Variants in CD82 observed in about 807,000 individuals in gnomAD.
CD82 encodes CD82 molecule, also known as CD82 antigen.
In CD82, 36 loss-of-function variants were observed where a neutral mutation model predicts 37.4. The ratio of observed to expected loss-of-function variants is 0.96; its 90% CI spans 0.74 to 1.27. CD82 has a LOEUF of 1.27. CD82 is among the 50% of genes most tolerant of loss of function. CD82 has a pLI of 0.00. For synonymous variants in CD82, 158 were observed against 137.4 expected, an observed-to-expected ratio of 1.15 and a Z score of -1.05; for missense variants, 340 against 347.0, an observed-to-expected ratio of 0.98 and a Z score of 0.16.
At chr11:44,574,080 TGAAGCTCTGCTGGGGGGTCAGCAGAA>T (rs1852853404) in intron 1 of CD82, among the ~76,000 whole-genome samples, 1 of 151,978 alleles carries the variant, frequency 6.6e-6, no homozygotes, top group African/African-American at 2.4e-5. Context: ...CGGGGTTGCT[TGAAGCTCTGCTGGGGGGTCAGCAGAA>T]GACTTAGATT....
At chr11:44,594,207 A>T (rs1590338402) in intron 2 of CD82, among the ~76,000 whole-genome samples, 1 of 151,780 alleles carries the variant, frequency 6.6e-6, no homozygotes, top group Non-Finnish European at 1.5e-5. Context: ...AGACCCCACA[A>T]CTCCCAGCCC....
intron 1 of CD82, among the ~76,000 whole-genome samples, chr11:44,567,189 C>T (rs757835022): frequency 1.3e-5 from 2 of 152,136 alleles, no homozygotes; most frequent in African/African-American, 4.8e-5. Flanking sequence ...CCATTGCACA[C>T]TTGGCTTGGG....
At chr11:44,589,033 T>C (rs1037176561) in intron 2 of CD82, among the ~76,000 whole-genome samples, 2 of 152,158 alleles carry the variant, frequency 1.3e-5, no homozygotes, top group Middle Eastern at 3.2e-3. Context: ...TAGGCAGGTG[T>C]ATCACCTGAG....
chr11:44,573,967 GTGA>G (rs1852851563), intron 1 of CD82, among the ~76,000 whole-genome samples: 1 of 152,176 alleles, frequency 6.6e-6, no homozygotes, highest in South Asian at 2.1e-4. Context: ...GTTAAGGGTG[GTGA>G]TGATGAGCAA....
At chr11:44,588,412 TGGGG>T (rs1853092390) in intron 2 of CD82, among the ~76,000 whole-genome samples, 1 of 151,998 alleles carries the variant, frequency 6.6e-6, no homozygotes, top group Non-Finnish European at 1.5e-5. Context: ...TTAATAGAGA[TGGGG>T]TTTCACCATG....
intron 6 of CD82, among the ~76,000 whole-genome samples, chr11:44,607,386 T>C (rs1284106816): frequency 1.3e-5 from 2 of 152,178 alleles, no homozygotes; most frequent in African/African-American, 4.8e-5. Context: ...GGAGGGAAAT[T>C]CCTTTCCCAG....
In CD82 at chr11:44,594,739, A is replaced by T. The variant is rs202090673; in HGVS notation, c.63+14A>T. 1 of 1,608,400 alleles carries T rather than the reference A, an allele frequency of 6.2e-7. No homozygotes were observed. Among genetic ancestry groups the T allele is most frequent in the South Asian group, 1.1e-5 (1 of 90,920 alleles). ...TTGATCTTCTTTGTAAGTATGTCCC[A>T]TGCCGTCCTGACCACCTCCGAAAAG... is the stretch of plus-strand genomic sequence containing the variant. On this transcript the variant is annotated intron_variant, in intron 3 of 9. Transcript: ENST00000227155.
At chr11:44,571,965 T>G (rs1308310281) in intron 1 of CD82, among the ~76,000 whole-genome samples, 1 of 152,220 alleles carries the variant, frequency 6.6e-6, no homozygotes. Context: ...CAGCTCATCT[T>G]TTACTTGCTG....
chr11:44,568,197 G>C (rs1374746782), intron 1 of CD82, among the ~76,000 whole-genome samples: 1 of 152,170 alleles, frequency 6.6e-6, no homozygotes, highest in African/African-American at 2.4e-5. Flanking sequence ...AAGGGATAAT[G>C]AACCAATGGC....
Position 44,618,505 on chromosome 11 carries a change from A to C in CD82, c.643-135A>C, listed in dbSNP as rs935662516. Reference sequence around the variant, plus strand: ...TTGTACCTTCATCTACTTCTTTGTTAATGTATTTATTCAAGGAACAGGCAG... The same window carrying C: ...TTGTACCTTCATCTACTTCTTTGTTCATGTATTTATTCAAGGAACAGGCAG... On this transcript the variant is annotated intron_variant, in intron 8 of 9. Transcript: ENST00000227155. The C allele has an allele frequency of 3.8e-6, 4 of 1,054,740 alleles. No individual in the cohort carries two copies. In the African/African-American group the frequency reaches 6.3e-5, roughly 17 times the overall value. The allele number at this position is 1,054,740 out of a possible 1,614,324, so 65.3% of individuals were successfully genotyped here.
intron 1 of CD82, among the ~76,000 whole-genome samples, chr11:44,586,389 G>C (rs1853055220): frequency 6.6e-6 from 1 of 152,136 alleles, no homozygotes; most frequent in Non-Finnish European, 1.5e-5. Context: ...ATCTTTCTAG[G>C]GAGAGTTCAC....
intron 3 of CD82, 94 bp downstream of exon 3, chr11:44,594,819 G>T: frequency 9.8e-7 from 1 of 1,018,696 alleles, no homozygotes; most frequent in South Asian, 1.3e-5. Flanking sequence ...ACCGGGCCGG[G>T]GATTGGGGGG....
chr11:44,594,540 C>T, intron 2 of CD82, 103 bp from the exon 3 acceptor site: 1 of 745,702 alleles, frequency 1.3e-6, no homozygotes, highest in Non-Finnish European at 2.4e-6. Flanking sequence ...TGGGCCTCTG[C>T]ATCCTCTAAG....
chr11:44,587,005 T>C, intron 1 of CD82, among the ~76,000 whole-genome samples: 1 of 152,148 alleles, frequency 6.6e-6, no homozygotes, highest in East Asian at 1.9e-4. Flanking sequence ...ACAACCCAGA[T>C]GTCAACTCGG....
At chr11:44,609,141 A>G (rs931557798) in intron 6 of CD82, among the ~76,000 whole-genome samples, 3 of 152,190 alleles carry the variant, frequency 2.0e-5, no homozygotes, top group African/African-American at 7.2e-5. Context: ...TCTGGTGAGC[A>G]GAGCCCAGCC....
At chr11:44,569,094 G>A (rs1852778812) in intron 1 of CD82, among the ~76,000 whole-genome samples, 1 of 152,254 alleles carries the variant, frequency 6.6e-6, no homozygotes, top group Admixed American at 6.5e-5. Context: ...GGGCCCCTCT[G>A]TGGGACAGGA....
At chr11:44,595,210 C>T (rs1042551541) in intron 3 of CD82, among the ~76,000 whole-genome samples, 6 of 151,974 alleles carry the variant, frequency 3.9e-5, no homozygotes, top group Non-Finnish European at 7.3e-5. Flanking sequence ...AGCAAGAGGG[C>T]GCCAGGCGTG....
At chr11:44,607,134 C>G (rs1180018617) in intron 6 of CD82, among the ~76,000 whole-genome samples, 1 of 152,258 alleles carries the variant, frequency 6.6e-6, no homozygotes, top group African/African-American at 2.4e-5. Context: ...ACTTGAAGGT[C>G]AAGTTGCCTG....
chr11:44,599,639 G>A lies in CD82; in HGVS notation c.64-519G>A, dbSNP rs80189436. On this transcript the variant is annotated intron_variant, in intron 3 of 9. Coordinates refer to ENST00000227155, the MANE Select transcript of CD82 (RefSeq NM_002231.4). The stretch of plus-strand genomic sequence containing the variant: ...ACCCAGTCGGAATGACTGTTAAGAA[G>A]GGTGGGACAGTGGTTGCTGCAGAAT... 1.6e-3 allele frequency among the ~76,000 whole-genome samples: 248 copies of A among 152,378 alleles called. 1 individual carries two copies. The highest frequency in any genetic ancestry group is 5.8e-3 in the African/African-American group (241 of 41,582).
Sources: allele counts gnomAD v4.1 joint callset (sites outside exome capture counted in the v4.1 genomes callset), GRCh38; gene constraint gnomAD v4.1.1; transcripts MANE v1.5; gene names NCBI Gene and HGNC (gene_info 2026-07-23, HGNC 2026-07-21).